Variants in TG observed in about 807,000 individuals in gnomAD.
The protein encoded by TG is thyroglobulin, also known as thyroid hormones.
A neutral mutation model predicts 324.7 loss-of-function variants in TG; 270 were observed. The ratio of observed to expected loss-of-function variants is 0.83; its 90% CI spans 0.75 to 0.92. The LOEUF (loss-of-function observed/expected upper bound fraction) is 0.92. Ranked by LOEUF, TG falls within the 40% of genes least tolerant of loss-of-function variation. The probability of loss-of-function intolerance (pLI) is 0.00; values close to 1 mark genes in which losing one functional copy is unlikely to be tolerated. For missense variants in TG, 3,591 were observed against 3,456.4 expected (o/e 1.04, Z -0.98); for synonymous variants, 1,401 against 1,327.0 (o/e 1.06, Z -1.21).
Position 132,972,622 on chromosome 8 carries a change from T to C in TG, c.6080T>C (p.Leu2027Pro). The change falls in exon 34 of 48, where the codon CTG becomes CCG. Residue 2027 changes from leucine (L) to proline (P), a missense_variant. Physicochemically the swap from Leu to Pro is moderately conservative, Grantham distance 98. Transcript: ENST00000220616. ...LKGGEVTCLT[L>P]NSLGIQMCSE... is the part of the protein sequence containing the mutation. Reference sequence around the variant, plus strand: ...GGAGGAGAGGTGACATGTCTCACTCTGAACAGCTTGGGAATTCAGATGTGC... The same window carrying C: ...GGAGGAGAGGTGACATGTCTCACTCCGAACAGCTTGGGAATTCAGATGTGC... 6.2e-7 allele frequency: 1 copy of C among 1,606,212 alleles called. No individual in the cohort carries two copies. The highest frequency in any genetic ancestry group is 8.5e-7 in the Non-Finnish European group (1 of 1,175,190).
At chr8:133,024,362 CTTTCTTTCT>C (rs1835855225) in intron 40 of TG, among the ~76,000 whole-genome samples, 1 of 125,846 alleles carries the variant, frequency 7.9e-6, no homozygotes, top group Admixed American at 7.9e-5. Context: ...TTCTTTCTTT[CTTTCTTTCT>C]TTCTTTCTTT....
chr8:132,999,050 C>A (rs1304584185), intron 35 of TG, among the ~76,000 whole-genome samples: 1 of 152,172 alleles, frequency 6.6e-6, no homozygotes, highest in African/African-American at 2.4e-5. Flanking sequence ...AGAACCAGGA[C>A]TGCAGCCCAG....
At chr8:132,974,381 A>G (rs1184656358) in intron 34 of TG, among the ~76,000 whole-genome samples, 1 of 152,232 alleles carries the variant, frequency 6.6e-6, no homozygotes, top group Non-Finnish European at 1.5e-5. Context: ...GCCGTTTCAG[A>G]CCATGATGGA....
At chr8:132,975,007 A>T (rs1180543443) in intron 34 of TG, among the ~76,000 whole-genome samples, 2 of 152,240 alleles carry the variant, frequency 1.3e-5, no homozygotes, top group Non-Finnish European at 2.9e-5. Flanking sequence ...AAATTATTTT[A>T]AGAAAAACAT....
intron 27 of TG, among the ~76,000 whole-genome samples, chr8:132,960,038 T>A (rs1827518556): frequency 6.6e-6 from 1 of 152,164 alleles, no homozygotes; most frequent in African/African-American, 2.4e-5. Context: ...TGGTAATAAC[T>A]GTTTATCAAT....
chr8:132,880,708 C>A (rs1031731567), intron 5 of TG, among the ~76,000 whole-genome samples: 1 of 152,330 alleles, frequency 6.6e-6, no homozygotes, highest in African/African-American at 2.4e-5. Flanking sequence ...AATTACTACA[C>A]CACACATTGA....
intron 22 of TG, among the ~76,000 whole-genome samples, chr8:132,925,516 C>CGTGTGTGTGTGTGTGT (rs139966752): frequency 0.017 from 2,504 of 144,774 alleles, 28 homozygotes; most frequent in African/African-American, 0.026. Flanking sequence ...CTAAGGAGTG[C>CGTGTGTGTGTGTGTGT]GTGTGTGTGT....
chr8:132,889,345 C>A (rs1815894169), intron 10 of TG, among the ~76,000 whole-genome samples: 1 of 152,216 alleles, frequency 6.6e-6, no homozygotes, highest in African/African-American at 2.4e-5. Flanking sequence ...TCAATTCATT[C>A]TTTGCAAGTT....
At chr8:133,022,267 G>A (rs771211378) in intron 40 of TG, 117 bp downstream of exon 40, 32 of 1,439,784 alleles carry the variant, frequency 2.2e-5, no homozygotes, top group Non-Finnish European at 2.7e-5. Flanking sequence ...TAGGCACACA[G>A]TGGAAATTTT....
At position 133,038,862 on chromosome 8, in the gene TG, C is replaced by T. The variant is rs1388223896; in HGVS notation, c.7239+8839C>T. 4.8e-6 allele frequency: 3 copies of T among 618,598 alleles called. No homozygotes were observed. The East Asian group carries it at 8.3e-5, about 17-fold the overall frequency. 38.3% of individuals were successfully genotyped at this position (618,598 alleles called of 1,614,324 possible). A position where few individuals can be genotyped will look rare whatever the true frequency, so the allele number is the denominator to read the frequency against. ...AAAACAAAAATCCTGGTGACTATTT[C>T]TCTAACTTATTATTATTTTTCTTTA... On this transcript the variant is annotated intron_variant, in intron 41 of 47. Transcript: ENST00000220616.
intron 5 of TG, among the ~76,000 whole-genome samples, 160 bp downstream of exon 5, chr8:132,873,381 G>T (rs544753492): frequency 6.6e-6 from 1 of 152,302 alleles, no homozygotes; most frequent in East Asian, 1.9e-4. Flanking sequence ...GTGCCACGGC[G>T]TTTTTTAACA....
chr8:133,086,202 AG>A (rs1477448077), intron 41 of TG, among the ~76,000 whole-genome samples: 2 of 152,200 alleles, frequency 1.3e-5, no homozygotes, highest in Non-Finnish European at 2.9e-5. Flanking sequence ...GCTGGGAGTG[AG>A]GGTGGAGAAT....
In TG at chr8:133,060,413, A is replaced by T. The variant is rs759200288; in HGVS notation, c.7239+30390A>T. 4.0e-6 allele frequency: 6 copies of T among 1,498,160 alleles called. No homozygotes were observed. In the African/African-American group the frequency reaches 8.6e-5, roughly 21 times the overall value. 92.8% of individuals were successfully genotyped at this position (1,498,160 alleles called of 1,614,324 possible). A position where few individuals can be genotyped will look rare whatever the true frequency, so the allele number is the denominator to read the frequency against. On this transcript the variant is annotated intron_variant, in intron 41 of 47. Coordinates refer to ENST00000220616, the MANE Select transcript of TG (RefSeq NM_003235.5). ...AGGGAATGACAGAAAAACCACAGAG[A>T]GGGAAGTTGCTAGCAAATGCTGTTG... is the stretch of plus-strand genomic sequence containing the variant.
chr8:133,053,878 G>A (rs1840879875), intron 41 of TG, among the ~76,000 whole-genome samples: 1 of 152,166 alleles, frequency 6.6e-6, no homozygotes, highest in Non-Finnish European at 1.5e-5. Flanking sequence ...ACATCACTGA[G>A]GAAACTTTAC....
rs1188137448 is a variant in TG at position 132,882,866 on chromosome 8, C to T, written c.942C>T (p.Pro314=). 1 of 1,614,202 alleles carries T rather than the reference C, an allele frequency of 6.2e-7. No homozygotes were observed. The highest frequency in any genetic ancestry group is 1.1e-5 in the South Asian group (1 of 91,084). The stretch of plus-strand genomic sequence containing the variant: ...TTACAGCAACCAGCTTTGGTCACCC[C>T]TATGTTCCAAGCTGCCGCCGAAATG... The part of the protein sequence containing the change: ...ERFTATSFGH[P]YVPSCRRNGD... The change falls in exon 8 of 48, where the codon CCC becomes CCT. Residue 314 remains proline (P), a synonymous_variant. Transcript: ENST00000220616.
chr8:132,948,002 T>G (rs1240801784), intron 26 of TG, among the ~76,000 whole-genome samples: 2 of 152,190 alleles, frequency 1.3e-5, no homozygotes, highest in African/African-American at 4.8e-5. Flanking sequence ...GGAGACATAT[T>G]CAAGATAAAA....
chr8:133,029,775 A>G, intron 40 of TG, 46 bp from the exon 41 acceptor site: 3 of 1,611,718 alleles, frequency 1.9e-6, no homozygotes, highest in Non-Finnish European at 2.5e-6. Context: ...TTCAAATCCA[A>G]GGTTGTAAAG....
Position 132,969,015 on chromosome 8 carries a change from C to CGGAGA in TG, c.5864-431_5864-427dup, listed in dbSNP as rs941979060. 1.2e-4 allele frequency among the ~76,000 whole-genome samples: 19 copies of CGGAGA among 152,140 alleles called. No homozygotes were observed. In the East Asian group the frequency reaches 2.9e-3, roughly 23 times the overall value. Reference sequence around the variant, plus strand: ...GTGGGGAGAGGGCTGTTGTCAGCTGCGGAGAGGAGAGGAGAGCATCTAGAG... The same window carrying CGGAGA: ...GTGGGGAGAGGGCTGTTGTCAGCTGCGGAGAGGAGAGGAGAGGAGAGCATCTAGAG... On this transcript the variant is annotated intron_variant, in intron 31 of 47. Transcript: ENST00000220616.
At chr8:132,874,972 T>C (rs985705509) in intron 5 of TG, among the ~76,000 whole-genome samples, 2 of 152,166 alleles carry the variant, frequency 1.3e-5, no homozygotes, top group South Asian at 2.1e-4. Flanking sequence ...CCTGGTCCTG[T>C]AGCATTTGCC....
Sources: gnomAD v4.1 joint callset for allele counts (sites outside exome capture counted in the v4.1 genomes callset) on GRCh38, gnomAD v4.1.1 for gene constraint, MANE v1.5 for transcripts, NCBI Gene and HGNC (gene_info 2026-07-23, HGNC 2026-07-21) for gene names.